Variants in MROH1 observed in about 807,000 individuals in gnomAD.
MROH1 encodes maestro heat like repeat family member 1.
A neutral mutation model predicts 116.5 loss-of-function variants in MROH1; 117 were observed. The ratio of observed to expected loss-of-function variants is 1.00; its 90% CI spans 0.86 to 1.17. MROH1 has a LOEUF of 1.17. Among genes scored for constraint, MROH1 ranks in the 50% most tolerant of loss-of-function variants. MROH1 has a pLI of 0.00. For synonymous variants in MROH1, 921 were observed against 583.9 expected (o/e 1.58, Z -8.32); for missense variants, 1,873 against 1,338.5 (o/e 1.40, Z -6.23).
At chr8:144,165,073 C>G (rs996786263) in intron 3 of MROH1, among the ~76,000 whole-genome samples, 2 of 152,026 alleles carry the variant, frequency 1.3e-5, no homozygotes, top group African/African-American at 2.4e-5. Flanking sequence ...ATCCTCCCAC[C>G]TCAGCCTCCC....
chr8:144,209,725 A>T (rs946492685), intron 12 of MROH1, among the ~76,000 whole-genome samples: 2 of 151,888 alleles, frequency 1.3e-5, no homozygotes, highest in Non-Finnish European at 2.9e-5. Flanking sequence ...GCTGAAAAAC[A>T]TGGTGAAACC....
At chr8:144,161,896 A>T (rs1048454305) in intron 2 of MROH1, among the ~76,000 whole-genome samples, 4 of 152,116 alleles carry the variant, frequency 2.6e-5, no homozygotes, top group African/African-American at 9.6e-5. Context: ...TCCGCCTCCC[A>T]GCTCAGCTCA....
intron 10 of MROH1, among the ~76,000 whole-genome samples, chr8:144,196,618 AAGTG>A (rs1316964362): frequency 2.0e-5 from 3 of 151,428 alleles, no homozygotes; most frequent in African/African-American, 7.3e-5. Flanking sequence ...TGGCCTCCCA[AAGTG>A]CTGGGATTAC....
chr8:144,192,190 G>A (rs769244745), intron 9 of MROH1, 119 bp from the exon 10 acceptor site: 134 of 824,278 alleles, frequency 1.6e-4, no homozygotes, highest in Non-Finnish European at 2.3e-4. Context: ...CCCCAAGGTG[G>A]GGCCCATGTC....
At chr8:144,177,085 G>A (rs564654473) in intron 4 of MROH1, among the ~76,000 whole-genome samples, 11 of 152,322 alleles carry the variant, frequency 7.2e-5, no homozygotes, top group Admixed American at 2.6e-4. Context: ...TTAGTGTTCC[G>A]TGCTGAGGCT....
At chr8:144,257,365 C>G (rs1205438494) in intron 35 of MROH1, among the ~76,000 whole-genome samples, 3 of 152,168 alleles carry the variant, frequency 2.0e-5, no homozygotes, top group Non-Finnish European at 2.9e-5. Flanking sequence ...ACCACCCAGG[C>G]ACACCCCATG....
chr8:144,252,423 C>G (rs1842984161), intron 33 of MROH1: 4 of 152,180 alleles, frequency 2.6e-5, no homozygotes, highest in African/African-American at 9.6e-5. Flanking sequence ...AATCCCAGCA[C>G]TTTGGGAGGC....
intron 1 of MROH1, among the ~76,000 whole-genome samples, chr8:144,151,317 TAGAG>T (rs1816735704): frequency 8.3e-6 from 1 of 119,830 alleles, no homozygotes; most frequent in Non-Finnish European, 1.6e-5. Context: ...CAGCTGGACA[TAGAG>T]AGGAGCAGAT....
chr8:144,192,473 T>A, intron 10 of MROH1, 72 bp downstream of exon 10: 1 of 1,377,352 alleles, frequency 7.3e-7, no homozygotes, highest in South Asian at 1.2e-5. Context: ...GGACAAGGGG[T>A]GCAGAAAGCA....
intron 1 of MROH1, among the ~76,000 whole-genome samples, chr8:144,160,336 A>C (rs562488941): frequency 6.6e-6 from 1 of 151,670 alleles, no homozygotes; most frequent in East Asian, 1.9e-4. Flanking sequence ...CACACTTTCC[A>C]CTCCGGCTGC....
chr8:144,169,933 A>C (rs1217789652), intron 4 of MROH1, among the ~76,000 whole-genome samples: 2 of 152,380 alleles, frequency 1.3e-5, no homozygotes, highest in African/African-American at 2.4e-5. Flanking sequence ...TCCTGAGTTC[A>C]AGCAATTCTC....
chr8:144,154,796 C>T (rs1334851550), intron 1 of MROH1, among the ~76,000 whole-genome samples: 1 of 151,718 alleles, frequency 6.6e-6, no homozygotes, highest in Non-Finnish European at 1.5e-5. Context: ...TCCCAAGTAG[C>T]TGGGATTACA....
At chr8:144,250,458 C>T (rs1431054534) in intron 33 of MROH1, 92 bp downstream of exon 33, 1 of 702,156 alleles carries the variant, frequency 1.4e-6, no homozygotes, top group Non-Finnish European at 2.6e-6. Context: ...GGCTCTGCAC[C>T]CCGACTTTCT....
chr8:144,168,529 G>A (rs868599769), intron 4 of MROH1, 89 bp downstream of exon 4: 26 of 1,483,108 alleles, frequency 1.8e-5, no homozygotes, highest in Non-Finnish European at 2.2e-5. Flanking sequence ...CCAGCCAGGA[G>A]CAGTGGGTCG....
chr8:144,236,375 G>C (rs1159734624), intron 14 of MROH1, among the ~76,000 whole-genome samples: 1 of 151,114 alleles, frequency 6.6e-6, no homozygotes, highest in Non-Finnish European at 1.5e-5. Context: ...TGCTGTTTCT[G>C]CCTTGTAATA....
At chr8:144,253,635 C>G (rs1170070698) in intron 33 of MROH1, among the ~76,000 whole-genome samples, 1 of 152,084 alleles carries the variant, frequency 6.6e-6, no homozygotes, top group Non-Finnish European at 1.5e-5. Context: ...GCTCCCCACA[C>G]TCACGCCCAG....
intron 12 of MROH1, among the ~76,000 whole-genome samples, chr8:144,204,218 C>A (rs561093430): frequency 6.6e-6 from 1 of 152,180 alleles, no homozygotes; most frequent in Non-Finnish European, 1.5e-5. Flanking sequence ...TCAAGCAATT[C>A]TCCCACCTCA....
chr8:144,258,920 C>T lies in MROH1; in HGVS notation c.3929+6C>T, dbSNP rs1257820960. 2.6e-5 allele frequency: 19 copies of T among 737,276 alleles called. No homozygotes were observed. Among genetic ancestry groups the T allele is most frequent in the Middle Eastern group, 3.6e-4 (1 of 2,760 alleles). 45.7% of individuals were successfully genotyped at this position (737,276 alleles called of 1,614,324 possible). The stretch of plus-strand genomic sequence containing the variant: ...GGGGCCACCAGGTTGGCCAGGTGAG[C>T]GGGCCCAGCCCACTGCAGCTCCAGC... On this transcript the variant is annotated splice_donor_region_variant and intron_variant, in intron 36 of 43. Transcript: ENST00000326134.
intron 4 of MROH1, chr8:144,175,697 G>C: frequency 2.2e-6 from 1 of 453,126 alleles, no homozygotes; most frequent in East Asian, 1.6e-4. Flanking sequence ...CCTGAGACAA[G>C]AGGATCGCTT....
Sources: gnomAD v4.1 joint callset for allele counts (sites outside exome capture counted in the v4.1 genomes callset) on GRCh38, gnomAD v4.1.1 for gene constraint, MANE v1.5 for transcripts, NCBI Gene and HGNC (gene_info 2026-07-23, HGNC 2026-07-21) for gene names.